Variants in RIIAD1 observed in about 807,000 individuals in gnomAD.
The protein encoded by RIIAD1 is regulatory subunit of type II PKA R-subunit domain containing 1, also known as RIIa domain-containing protein 1.
In RIIAD1, 15 loss-of-function variants were observed where a neutral mutation model predicts 13.3. That is an observed-to-expected ratio of 1.13 (90% CI 0.76 to 1.74). RIIAD1 has a LOEUF of 1.74. RIIAD1 is among the 40% of genes most tolerant of loss of function. The pLI is 0.00. For synonymous variants in RIIAD1, 50 were observed against 43.3 expected (o/e 1.16, Z -0.61); for missense variants, 121 against 112.2 (o/e 1.08, Z -0.35).
chr1:151,716,122 C>T, intron 4 of RIIAD1: 4 of 1,272,688 alleles, frequency 3.1e-6, no homozygotes, highest in Non-Finnish European at 4.2e-6. Flanking sequence ...GGGGGCCCAG[C>T]TGGGGCTGGC....
exon 4 of RIIAD1, chr1:151,714,464 C>G: frequency 1.4e-6 from 1 of 739,718 alleles, no homozygotes; most frequent in South Asian, 1.5e-5. Flanking sequence ...ATGGATGCTA[C>G]AGAGAGAGAG....
At chr1:151,714,659 A>G in intron 4 of RIIAD1, 3 of 1,559,218 alleles carry the variant, frequency 1.9e-6, no homozygotes, top group Non-Finnish European at 2.6e-6. Flanking sequence ...CGGGCACAGT[A>G]TGTCAGGAAG....
intron 2 of RIIAD1, among the ~76,000 whole-genome samples, chr1:151,722,402 T>C (rs559891699): frequency 1.1e-4 from 16 of 152,296 alleles, no homozygotes; most frequent in South Asian, 4.1e-4. Context: ...AAATCACTAG[T>C]TGAACTTAAA....
upstream of RIIAD1, chr1:151,719,547 C>G (rs767953597): frequency 5.8e-6 from 4 of 684,516 alleles, no homozygotes. Context: ...TATGTGTGGG[C>G]AGAGTGGCTA....
At chr1:151,719,430 G>T (rs1370128664), upstream of RIIAD1, among the ~76,000 whole-genome samples, 3 of 152,122 alleles carry the variant, frequency 2.0e-5, no homozygotes, top group Non-Finnish European at 4.4e-5. Flanking sequence ...TACATAAAAA[G>T]ATTATTGAAT....
chr1:151,719,938 T>A (rs893445715), upstream of RIIAD1, among the ~76,000 whole-genome samples: 1 of 152,186 alleles, frequency 6.6e-6, no homozygotes, highest in South Asian at 2.1e-4. Flanking sequence ...GGTTTGCTGG[T>A]CCAGGCTCTG....
rs554843766 is a variant in RIIAD1, at chr1:151,712,598, T to A, written c.-186+601T>A. On this transcript the variant is annotated intron_variant, in intron 2 of 8. Coordinates refer to the RIIAD1 transcript ENST00000326413. ...CCACCACCTCCATGATGCCACACCC[T>A]GCTCAGAGGACAAATTCAGGGACCT... is the stretch of plus-strand genomic sequence containing the variant. 2.2e-3 allele frequency among the ~76,000 whole-genome samples: 330 copies of A among 152,186 alleles called. 3 individuals are homozygous for A. Among genetic ancestry groups the A allele is most frequent in the Non-Finnish European group, 3.0e-3 (202 of 68,024 alleles).
At chr1:151,716,097 T>A in intron 4 of RIIAD1, 1 of 1,467,184 alleles carries the variant, frequency 6.8e-7, no homozygotes, top group Non-Finnish European at 9.1e-7. Flanking sequence ...AGCAAGGAGA[T>A]AAGTGGTGGG....
upstream of RIIAD1, chr1:151,716,778 C>T (rs184078361): frequency 7.5e-4 from 351 of 466,896 alleles, no homozygotes; most frequent in African/African-American, 6.5e-3. Context: ...CTCTGCTCTC[C>T]GGCCGCGCTC....
rs1571948181 is a variant in RIIAD1 at position 151,721,879 on chromosome 1, C to T, written c.85-207C>T. 7 of 599,710 alleles carry T rather than the reference C, an allele frequency of 1.2e-5. No homozygotes were observed. In the East Asian group the frequency reaches 1.6e-4, roughly 14 times the overall value. The allele number at this position is 599,710 out of a possible 1,614,324, so 37.1% of individuals were successfully genotyped here. A position where few individuals can be genotyped will look rare whatever the true frequency, so the allele number is the denominator to read the frequency against. On this transcript the variant is annotated intron_variant, in intron 1 of 4. Transcript: ENST00000479191. ...AATGGGCCGAAATTACTGCCAGACACATCCGACCTTAGTAAAGGCCCCTCA... is the reference window on the plus strand; with the variant it reads ...AATGGGCCGAAATTACTGCCAGACATATCCGACCTTAGTAAAGGCCCCTCA...
chr1:151,727,392 C>G (rs552865193), intron 2 of RIIAD1, among the ~76,000 whole-genome samples, 183 bp from the exon 3 acceptor site: 1 of 152,276 alleles, frequency 6.6e-6, no homozygotes, highest in East Asian at 1.9e-4. Context: ...CACTCCTTGC[C>G]TTAGATACGG....
rs567433968 is a variant in RIIAD1, at chr1:151,715,841, A to G, written c.21+1312A>G. On this transcript the variant is annotated intron_variant, in intron 4 of 8. Coordinates refer to the RIIAD1 transcript ENST00000326413. ...TTAACTTCCCCCAGCCTCCCAGCCCACCCCGAAGCCTCTTCAGCCTGCCCG... is the reference window on the plus strand; with the variant it reads ...TTAACTTCCCCCAGCCTCCCAGCCCGCCCCGAAGCCTCTTCAGCCTGCCCG... 13 of 1,591,558 alleles carry G rather than the reference A, an allele frequency of 8.2e-6. No homozygotes were observed. The East Asian group carries it at 2.7e-4, about 33-fold the overall frequency.
intron 2 of RIIAD1, 89 bp downstream of exon 2, chr1:151,722,251 T>C (rs1013453873): frequency 5.2e-6 from 4 of 769,104 alleles, no homozygotes; most frequent in Non-Finnish European, 9.0e-6. Context: ...TCTAAATTCT[T>C]AAAAATATGT....
At chr1:151,720,235 G>A (rs182235886), upstream of RIIAD1, among the ~76,000 whole-genome samples, 291 of 152,138 alleles carry the variant, frequency 1.9e-3, 1 homozygote, top group African/African-American at 6.7e-3. Flanking sequence ...TGACTGTACT[G>A]GCTGGCACAG....
intron 2 of RIIAD1, among the ~76,000 whole-genome samples, chr1:151,712,881 C>T (rs1230843473): frequency 1.3e-5 from 2 of 152,034 alleles, no homozygotes; most frequent in East Asian, 3.9e-4. Flanking sequence ...CAGGAGCTGA[C>T]ACACTGCACA....
intron 2 of RIIAD1, among the ~76,000 whole-genome samples, chr1:151,724,497 G>A (rs1366637256): frequency 1.3e-5 from 2 of 152,066 alleles, no homozygotes; most frequent in Non-Finnish European, 2.9e-5. Context: ...CCTGAGCACC[G>A]TGCCTGTCCT....
At chr1:151,720,502 T>C (rs1467964339), upstream of RIIAD1, among the ~76,000 whole-genome samples, 1 of 152,258 alleles carries the variant, frequency 6.6e-6, no homozygotes, top group Non-Finnish European at 1.5e-5. Context: ...ATTTACTTCT[T>C]GTGGTTTTCC....
At chr1:151,728,630 A>G (rs1360104144) in intron 3 of RIIAD1, 136 bp from the exon 4 acceptor site, 1 of 657,676 alleles carries the variant, frequency 1.5e-6, no homozygotes, top group Non-Finnish European at 2.8e-6. Context: ...ATTACATTGT[A>G]AAGCAGGGCC....
At chr1:151,717,456 G>A (rs1313816118), upstream of RIIAD1, among the ~76,000 whole-genome samples, 3 of 152,256 alleles carry the variant, frequency 2.0e-5, no homozygotes, top group Non-Finnish European at 4.4e-5. Flanking sequence ...CCCTCTGGGG[G>A]GTTTGTGTGT....
Sources: allele counts gnomAD v4.1 joint callset (sites outside exome capture counted in the v4.1 genomes callset), GRCh38; gene constraint gnomAD v4.1.1; transcripts MANE v1.5; gene names NCBI Gene and HGNC (gene_info 2026-07-23, HGNC 2026-07-21).